Variants in PCDHA8 observed in about 807,000 individuals in gnomAD.
PCDHA8 encodes protocadherin alpha-8.
A neutral mutation model predicts 61.8 loss-of-function variants in PCDHA8; 53 were observed. That is an observed-to-expected ratio of 0.86 (90% CI 0.69 to 1.08). The LOEUF is 1.08. PCDHA8 is among the 50% of genes least tolerant of loss of function. The pLI, the probability that PCDHA8 is intolerant of heterozygous loss-of-function variation, is 0.00. For synonymous variants in PCDHA8, 618 were observed against 556.6 expected (o/e 1.11, Z -1.55); for missense variants, 1,293 against 1,245.0 (o/e 1.04, Z -0.58).
chr5:141,001,559 G>A (rs1277713814), intron 3 of PCDHA8, among the ~76,000 whole-genome samples: 1 of 152,190 alleles, frequency 6.6e-6, no homozygotes, highest in Non-Finnish European at 1.5e-5. Context: ...TTCAGACCAC[G>A]ATTCTCCTGT....
intron 1 of PCDHA8, among the ~76,000 whole-genome samples, chr5:140,921,524 T>C (rs2080251541): frequency 6.6e-6 from 1 of 152,164 alleles, no homozygotes; most frequent in South Asian, 2.1e-4. Flanking sequence ...GAAATAAAAA[T>C]CTGCTGATAG....
At chr5:140,930,084 A>G (rs1350674790) in intron 1 of PCDHA8, 1 of 152,142 alleles carries the variant, frequency 6.6e-6, no homozygotes, top group Non-Finnish European at 1.5e-5. Flanking sequence ...CTCTCATAAC[A>G]TCTATTTATA....
chr5:140,843,136 G>T lies in PCDHA8; in HGVS notation c.1815G>T (p.Ala605=), dbSNP rs1554139779. 1.9e-6 allele frequency: 3 copies of T among 1,596,026 alleles called. No individual in the cohort carries two copies. Among genetic ancestry groups the T allele is most frequent in the Non-Finnish European group, 2.6e-6 (3 of 1,165,590 alleles). The change falls in exon 1 of 4, where the codon GCG becomes GCT. Residue 605 remains alanine (A), a synonymous_variant. Coordinates refer to ENST00000531613, the MANE Select transcript of PCDHA8 (RefSeq NM_018911.3). ...RAVDADSGYN[A]WLSYELQPAA... is the part of the protein sequence containing the mutation. ...TGGACGCCGACTCGGGCTACAACGC[G>T]TGGCTTTCGTATGAGCTGCAGCCAG...
intron 1 of PCDHA8, chr5:140,882,642 A>C (rs2153386129): frequency 6.2e-7 from 1 of 1,614,224 alleles, no homozygotes; most frequent in East Asian, 2.2e-5. Flanking sequence ...AAGGTGAGGG[A>C]CATTAACGAC....
At chr5:140,879,235 A>G (rs904336289) in intron 1 of PCDHA8, among the ~76,000 whole-genome samples, 5 of 152,240 alleles carry the variant, frequency 3.3e-5, no homozygotes, top group Middle Eastern at 3.2e-3. Flanking sequence ...CATATACAAG[A>G]GGCACTGGCA....
intron 1 of PCDHA8, chr5:140,858,226 C>G (rs782380359): frequency 1.3e-6 from 2 of 1,595,414 alleles, no homozygotes; most frequent in Admixed American, 1.7e-5. Context: ...CGGCGCCCAC[C>G]GAGGGCGCAT....
intron 1 of PCDHA8, among the ~76,000 whole-genome samples, chr5:140,845,131 G>A (rs1779712441): frequency 6.7e-6 from 1 of 149,158 alleles, no homozygotes; most frequent in South Asian, 2.1e-4. Flanking sequence ...CATTTTATTT[G>A]ACTATTTGAA....
intron 3 of PCDHA8, among the ~76,000 whole-genome samples, chr5:140,995,541 G>T (rs1444257516): frequency 6.6e-5 from 10 of 152,186 alleles, no homozygotes; most frequent in Non-Finnish European, 1.3e-4. Context: ...CAAATAAGGG[G>T]CGATCACTGT....
intron 1 of PCDHA8, chr5:140,871,257 G>A (rs374337862): frequency 1.2e-6 from 2 of 1,613,940 alleles, no homozygotes; most frequent in Admixed American, 1.7e-5. Context: ...TGCTGTATAC[G>A]GCGCTGTGGT....
chr5:140,953,881 A>G (rs1481970999), intron 1 of PCDHA8, among the ~76,000 whole-genome samples: 2 of 152,130 alleles, frequency 1.3e-5, no homozygotes, highest in Non-Finnish European at 2.9e-5. Flanking sequence ...AGATCAACCC[A>G]TCACCTAGGT....
At chr5:140,863,571 TA>T in intron 1 of PCDHA8, 1 of 369,950 alleles carries the variant, frequency 2.7e-6, no homozygotes, top group South Asian at 2.1e-5. Context: ...AGAATATAAG[TA>T]CTGTAATCCT....
intron 1 of PCDHA8, among the ~76,000 whole-genome samples, chr5:140,902,016 T>C (rs541579348): frequency 1.3e-5 from 2 of 152,274 alleles, no homozygotes; most frequent in South Asian, 4.1e-4. Context: ...TTGGGACATA[T>C]AGAAATACTA....
intron 1 of PCDHA8, chr5:140,883,535 C>A: frequency 6.2e-7 from 1 of 1,614,248 alleles, no homozygotes; most frequent in South Asian, 1.1e-5. Flanking sequence ...AGCCTATGAA[C>A]TGGTGGTGAC....
At chr5:140,882,481 C>T in intron 1 of PCDHA8, 2 of 1,614,038 alleles carry the variant, frequency 1.2e-6, no homozygotes, top group Middle Eastern at 1.7e-4. Flanking sequence ...CCAAAAGACA[C>T]GGGGACCTTC....
Position 140,850,919 on chromosome 5 carries a change from T to C in PCDHA8, c.2394+7204T>C, listed in dbSNP as rs2150502156. 62 of 1,527,062 alleles carry C rather than the reference T, an allele frequency of 4.1e-5. 7 individuals are homozygous for C. The highest frequency in any genetic ancestry group is 4.8e-5 in the Non-Finnish European group (55 of 1,135,558). The allele number at this position is 1,527,062 out of a possible 1,614,324, so 94.6% of individuals were successfully genotyped here. ...GTTTTTCTAGCATTTTATTTATTTA[T>C]ATAATTTTTTTTCTTGAAAGATATT... On this transcript the variant is annotated intron_variant, in intron 1 of 3. Coordinates refer to ENST00000531613, the MANE Select transcript of PCDHA8 (RefSeq NM_018911.3).
intron 3 of PCDHA8, among the ~76,000 whole-genome samples, chr5:141,000,481 G>A (rs1475922134): frequency 1.5e-5 from 2 of 133,428 alleles, no homozygotes; most frequent in African/African-American, 2.8e-5. Context: ...AAGCTGGAGT[G>A]CAATGGTAAG....
intron 1 of PCDHA8, chr5:140,882,721 A>G: frequency 6.2e-7 from 1 of 1,614,170 alleles, no homozygotes; most frequent in East Asian, 2.2e-5. Context: ...CGGAAACTCG[A>G]TTTCCACTAG....
intron 1 of PCDHA8, among the ~76,000 whole-genome samples, chr5:140,970,875 AT>A (rs1213440334): frequency 6.6e-6 from 1 of 152,100 alleles, no homozygotes; most frequent in African/African-American, 2.4e-5. Flanking sequence ...TTGAGAGTAG[AT>A]TTTTCTCATG....
intron 1 of PCDHA8, chr5:140,870,719 C>A (rs782257127): frequency 1.9e-6 from 3 of 1,613,084 alleles, no homozygotes; most frequent in Admixed American, 3.3e-5. Flanking sequence ...GCGCGCGATG[C>A]GGGCGTGCCG....
Sources: allele counts gnomAD v4.1 joint callset (sites outside exome capture counted in the v4.1 genomes callset), GRCh38; gene constraint gnomAD v4.1.1; transcripts MANE v1.5; gene names NCBI Gene and HGNC (gene_info 2026-07-23, HGNC 2026-07-21).